TUSC3: variants seen among roughly 807,000 people sequenced by gnomAD.
The protein encoded by TUSC3 is tumor suppressor candidate 3.
TUSC3 carries 45 observed loss-of-function variants against 44.8 expected under a neutral mutation model. The ratio of observed to expected loss-of-function variants is 1.00; its 90% CI spans 0.79 to 1.29. The LOEUF (loss-of-function observed/expected upper bound fraction) is 1.29. TUSC3 is among the 50% of genes most tolerant of loss of function. The pLI, the probability that TUSC3 is intolerant of heterozygous loss-of-function variation, is 0.00. For synonymous variants in TUSC3, 212 were observed against 152.9 expected (o/e 1.39, Z -2.85); for missense variants, 519 against 437.9 (o/e 1.19, Z -1.65).
At chr8:15,809,197 C>G in the TUSC3 span, among the ~76,000 whole-genome samples, 1 of 152,166 alleles carries the variant, frequency 6.6e-6, no homozygotes, top group Non-Finnish European at 1.5e-5. Context: ...TAACTGATGA[C>G]TGCAGATATC....
chr8:15,764,268 T>G lies in TUSC3; in HGVS notation c.*112T>G. The stretch of plus-strand genomic sequence containing the variant: ...GAATGTTTACCATGAAGATAAACTG[T>G]TCCTGACTTTATACTATTTTGAATT... On this transcript the variant is annotated 3_prime_UTR_variant, in exon 11 of 11. Transcript: ENST00000503731. 6.4e-7 allele frequency: 1 copy of G among 1,573,564 alleles called. No individual in the cohort carries two copies. Among genetic ancestry groups the G allele is most frequent in the South Asian group, 1.1e-5 (1 of 89,796 alleles).
At chr8:15,464,793 T>C (rs1338876230) in intron 1 of TUSC3, among the ~76,000 whole-genome samples, 2 of 152,214 alleles carry the variant, frequency 1.3e-5, no homozygotes, top group East Asian at 1.9e-4. Context: ...AGGCACATAA[T>C]GGCTCTTCTT....
upstream of TUSC3, among the ~76,000 whole-genome samples, chr8:15,537,699 G>T (rs555650794): frequency 6.6e-6 from 1 of 152,302 alleles, no homozygotes; most frequent in East Asian, 1.9e-4. Context: ...GTTTGGGGAG[G>T]ATGGGAAAAT....
intron 2 of TUSC3, among the ~76,000 whole-genome samples, chr8:15,627,376 C>G (rs1387162190): frequency 1.3e-5 from 2 of 152,230 alleles, no homozygotes; most frequent in Non-Finnish European, 2.9e-5. Context: ...CTGAGCTGTT[C>G]TTTTGCTCAC....
At chr8:15,843,621 T>TATATATATATACACAC in the TUSC3 span, among the ~76,000 whole-genome samples, 142 of 146,764 alleles carry the variant, frequency 9.7e-4, 1 homozygote, top group African/African-American at 3.6e-3. Flanking sequence ...TATATATATA[T>TATATATATATACACAC]ACACGCACAT....
At chr8:15,450,701 A>G (rs1346768332) in intron 1 of TUSC3, among the ~76,000 whole-genome samples, 2 of 152,184 alleles carry the variant, frequency 1.3e-5, no homozygotes, top group Admixed American at 6.5e-5. Context: ...ATAAAAGTAT[A>G]CAGTTAACAC....
At chr8:15,694,760 C>A (rs569316860) in intron 6 of TUSC3, among the ~76,000 whole-genome samples, 12 of 152,128 alleles carry the variant, frequency 7.9e-5, no homozygotes, top group Non-Finnish European at 1.6e-4. Context: ...TGGTTTCAGG[C>A]CCTAGCTTTG....
intron 9 of TUSC3, chr8:15,748,893 G>T: frequency 2.6e-6 from 1 of 377,922 alleles, no homozygotes; most frequent in South Asian, 2.0e-5. Flanking sequence ...AACATGAAAG[G>T]GAAAAGTTAA....
intron 2 of TUSC3, among the ~76,000 whole-genome samples, chr8:15,531,946 T>A (rs905739376): frequency 3.3e-5 from 5 of 152,194 alleles, no homozygotes; most frequent in African/African-American, 4.8e-5. Flanking sequence ...GTCTTGTCTA[T>A]AAAAGAAATT....
intron 1 of TUSC3, among the ~76,000 whole-genome samples, chr8:15,462,431 C>T (rs755720775): frequency 6.6e-6 from 1 of 152,032 alleles, no homozygotes; most frequent in Non-Finnish European, 1.5e-5. Context: ...AACTGACACT[C>T]ATAGACTAAA....
At chr8:15,481,951 A>G (rs73665416) in intron 1 of TUSC3, among the ~76,000 whole-genome samples, 4,324 of 152,280 alleles carry the variant, frequency 0.028, 211 homozygotes, top group African/African-American at 0.098. Context: ...ATGTGATGCT[A>G]TTTGATACCA....
chr8:15,691,975 C>G (rs746531300), intron 6 of TUSC3, among the ~76,000 whole-genome samples: 1 of 151,862 alleles, frequency 6.6e-6, no homozygotes, highest in Non-Finnish European at 1.5e-5. Context: ...GAGACAGGGT[C>G]TCACCATGTT....
the TUSC3 span, among the ~76,000 whole-genome samples, chr8:15,798,582 C>T: frequency 2.0e-5 from 3 of 152,056 alleles, no homozygotes; most frequent in Admixed American, 6.6e-5. Flanking sequence ...AGCAGCGTGG[C>T]GGCAGCTTTG....
At chr8:15,532,867 A>G (rs575566886) in intron 2 of TUSC3, among the ~76,000 whole-genome samples, 2 of 152,234 alleles carry the variant, frequency 1.3e-5, no homozygotes, top group South Asian at 4.1e-4. Flanking sequence ...ATCTCCGCTC[A>G]CTGCAACCTC....
intron 1 of TUSC3, among the ~76,000 whole-genome samples, chr8:15,619,737 C>G (rs766039122): frequency 3.3e-5 from 5 of 152,102 alleles, no homozygotes; most frequent in Non-Finnish European, 5.9e-5. Context: ...GTCTCCATCT[C>G]CTGACCTTGT....
At chr8:15,846,877 G>GGA in the TUSC3 span, among the ~76,000 whole-genome samples, 1 of 135,366 alleles carries the variant, frequency 7.4e-6, no homozygotes, top group East Asian at 2.2e-4. Context: ...ATGATAATTT[G>GGA]AAAAAAAAAA....
At chr8:15,536,356 A>G (rs2129131270), upstream of TUSC3, among the ~76,000 whole-genome samples, 1 of 152,244 alleles carries the variant, frequency 6.6e-6, no homozygotes, top group East Asian at 1.9e-4. Flanking sequence ...TTTATGTATT[A>G]AAAGGATCAC....
At chr8:15,463,674 A>C (rs1411867819) in intron 1 of TUSC3, among the ~76,000 whole-genome samples, 5 of 152,150 alleles carry the variant, frequency 3.3e-5, no homozygotes, top group Non-Finnish European at 2.9e-5. Context: ...GCAAGGCACC[A>C]TTAAGTTAAA....
At chr8:15,791,868 G>C in the TUSC3 span, among the ~76,000 whole-genome samples, 1 of 152,086 alleles carries the variant, frequency 6.6e-6, no homozygotes, top group Non-Finnish European at 1.5e-5. Context: ...CAAACAAGTG[G>C]TAATCTCTCA....
Sources: gnomAD v4.1 joint callset for allele counts (sites outside exome capture counted in the v4.1 genomes callset) on GRCh38, gnomAD v4.1.1 for gene constraint, MANE v1.5 for transcripts, NCBI Gene and HGNC (gene_info 2026-07-23, HGNC 2026-07-21) for gene names.